The following GSTM2 variants were observed in gnomAD, a reference collection of about 807,000 sequenced individuals.
GSTM2 encodes the protein glutathione S-transferase mu 2, also known as GST class-mu 2.
In GSTM2, 33 loss-of-function variants were observed where a neutral mutation model predicts 33.3. The ratio of observed to expected loss-of-function variants is 0.99; its 90% CI spans 0.75 to 1.33. The LOEUF is 1.33. Among genes scored for constraint, GSTM2 ranks in the 40% most tolerant of loss-of-function variants. The probability of loss-of-function intolerance (pLI) is 0.00; values close to 1 mark genes in which losing one functional copy is unlikely to be tolerated. For synonymous variants in GSTM2, 93 were observed against 95.6 expected (o/e 0.97, Z 0.16); for missense variants, 213 against 265.8 (o/e 0.80, Z 1.38).
downstream of GSTM2, among the ~76,000 whole-genome samples, chr1:109,679,194 GGCATGGTGGCTCA>G (rs1647794418): frequency 7.1e-6 from 1 of 140,946 alleles, no homozygotes; most frequent in South Asian, 2.1e-4. Flanking sequence ...TTTCTGGCTG[GGCATGGTGGCTCA>G]TGCCTGTATT....
At position 109,674,859 on chromosome 1, in the gene GSTM2, G is replaced by A; in HGVS notation, c.*23G>A. 1 of 1,613,870 alleles carries A rather than the reference G, an allele frequency of 6.2e-7. No individual in the cohort carries two copies. The highest frequency in any genetic ancestry group is 8.5e-7 in the Non-Finnish European group (1 of 1,179,868). On this transcript the variant is annotated 3_prime_UTR_variant, in exon 8 of 8. Coordinates refer to ENST00000241337, the MANE Select transcript of GSTM2 (RefSeq NM_000848.4). Reference sequence around the variant, plus strand: ...TAGGGCCTTGAAGGCCAGGAGGTGGGAGTGAGGAGCCCATACTCAGCCTGC... The same window carrying A: ...TAGGGCCTTGAAGGCCAGGAGGTGGAAGTGAGGAGCCCATACTCAGCCTGC...
chr1:109,668,646 C>T (rs902669769), intron 2 of GSTM2, 146 bp downstream of exon 2: 2 of 987,944 alleles, frequency 2.0e-6, no homozygotes, highest in East Asian at 2.5e-5. Flanking sequence ...GAGGGAGCTC[C>T]TTGCAAGGCA....
intron 7 of GSTM2, among the ~76,000 whole-genome samples, chr1:109,674,456 G>A (rs894884487): frequency 5.3e-5 from 8 of 152,180 alleles, no homozygotes; most frequent in Admixed American, 2.6e-4. Context: ...CAGAGTAGTC[G>A]AGTGGGTTTT....
Position 109,669,287 on chromosome 1 carries a change from C to T in GSTM2, c.178-3C>T, listed in dbSNP as rs1470415688. 13 of 1,613,976 alleles carry T rather than the reference C, an allele frequency of 8.1e-6. No individual in the cohort carries two copies. The highest frequency in any genetic ancestry group is 1.7e-5 in the Admixed American group (1 of 59,984). On this transcript the variant is annotated splice_region_variant and splice_polypyrimidine_tract_variant and intron_variant, in intron 3 of 7. Transcript: ENST00000241337. ...GAGCTTCCCCGGTTTCCCATCTATC[C>T]AGCTGCCCTACTTGATTGATGGGAC...
downstream of GSTM2, among the ~76,000 whole-genome samples, chr1:109,680,139 T>C (rs924578392): frequency 2.0e-4 from 30 of 152,002 alleles, no homozygotes; most frequent in African/African-American, 7.2e-4. Flanking sequence ...AGCCAGCTGA[T>C]TGTGGGACTT....
intron 5 of GSTM2, 42 bp from the exon 6 acceptor site, chr1:109,671,245 G>A (rs368672324): frequency 2.8e-6 from 4 of 1,427,312 alleles, no homozygotes; most frequent in African/African-American, 1.4e-5. Flanking sequence ...TCTGTGCAGG[G>A]AGCTTGTGTC....
Position 109,671,562 on chromosome 1 carries a change from G to A in GSTM2, c.546G>A (p.Lys182=). Residue 182 remains lysine, a synonymous_variant, in exon 7 of 8, where the codon AAG becomes AAA. Transcript: ENST00000241337. ...PSCLDAFPNL[K]DFISRFEGLE... is the part of the protein sequence containing the mutation. ...GCCTGGATGCCTTCCCAAACCTGAAGGACTTCATCTCCCGATTTGAGGTGA... is the reference window on the plus strand; with the variant it reads ...GCCTGGATGCCTTCCCAAACCTGAAAGACTTCATCTCCCGATTTGAGGTGA... 1 of 1,602,840 alleles carries A rather than the reference G, an allele frequency of 6.2e-7. No individual in the cohort carries two copies. Among genetic ancestry groups the A allele is most frequent in the Non-Finnish European group, 8.5e-7 (1 of 1,169,626 alleles).
chr1:109,671,974 A>G (rs1289895401), intron 7 of GSTM2, among the ~76,000 whole-genome samples: 5 of 33,098 alleles, frequency 1.5e-4, no homozygotes, highest in Non-Finnish European at 2.2e-4. Context: ...CCATCTCAAG[A>G]AAAAAAAAAA....
At chr1:109,675,684 A>C (rs1216726335), downstream of GSTM2, among the ~76,000 whole-genome samples, 1 of 152,098 alleles carries the variant, frequency 6.6e-6, no homozygotes, top group Non-Finnish European at 1.5e-5. Context: ...TCCAGGACCC[A>C]ATCTCTATTG....
intron 7 of GSTM2, among the ~76,000 whole-genome samples, chr1:109,672,201 A>G (rs1463079733): frequency 2.0e-5 from 3 of 151,926 alleles, no homozygotes; most frequent in African/African-American, 7.3e-5. Context: ...AATCTCTTGA[A>G]CCTGGGAGGC....
intron 7 of GSTM2, among the ~76,000 whole-genome samples, chr1:109,672,266 G>A (rs1647568255): frequency 6.6e-6 from 1 of 151,858 alleles, no homozygotes; most frequent in African/African-American, 2.4e-5. Context: ...GGCAACAAGA[G>A]TGAAACTCCA....
At chr1:109,669,917 C>T (rs190112996) in intron 5 of GSTM2, 29 of 239,402 alleles carry the variant, frequency 1.2e-4, no homozygotes, top group African/African-American at 6.3e-4. Flanking sequence ...CATGGTCTGG[C>T]TGGCTTCAGG....
downstream of GSTM2, among the ~76,000 whole-genome samples, chr1:109,676,432 A>G (rs1031698468): frequency 1.3e-5 from 2 of 151,522 alleles, no homozygotes; most frequent in African/African-American, 4.9e-5. Flanking sequence ...TCTCACTGCA[A>G]CCTCCCCTTC....
At chr1:109,673,221 G>A (rs1249926325) in intron 7 of GSTM2, 1 of 1,612,046 alleles carries the variant, frequency 6.2e-7, no homozygotes, top group Middle Eastern at 1.7e-4. Flanking sequence ...CCTGTGAGAT[G>A]AGTAGCACGC....
In GSTM2 at chr1:109,674,901, C is replaced by T. The variant is rs558440724; in HGVS notation, c.*65C>T. On this transcript the variant is annotated 3_prime_UTR_variant, in exon 8 of 8. Transcript: ENST00000241337. ...TCAGCCTGCTGCCCAGGCTGTGCAGCGCAGCTGGACTCTGCATCCCAGCAC... is the reference window on the plus strand; with the variant it reads ...TCAGCCTGCTGCCCAGGCTGTGCAGTGCAGCTGGACTCTGCATCCCAGCAC... 71 of 1,601,080 alleles carry T rather than the reference C, an allele frequency of 4.4e-5. No individual in the cohort carries two copies. The highest frequency in any genetic ancestry group is 4.0e-4 in the South Asian group (36 of 90,740).
chr1:109,668,808 G>A, intron 2 of GSTM2, 117 bp from the exon 3 acceptor site: 2 of 1,210,084 alleles, frequency 1.7e-6, no homozygotes, highest in South Asian at 2.5e-5. Context: ...GGACTGAGTG[G>A]TCAGATTCTA....
chr1:109,668,705 T>C, intron 2 of GSTM2: 1 of 788,628 alleles, frequency 1.3e-6, no homozygotes, highest in Admixed American at 2.2e-5. Flanking sequence ...TTATGATGGG[T>C]GTCCCTCAGG....
chr1:109,668,739 T>C, intron 2 of GSTM2, 186 bp from the exon 3 acceptor site: 1 of 827,568 alleles, frequency 1.2e-6, no homozygotes, highest in Non-Finnish European at 2.0e-6. Context: ...CTGGAAGCCT[T>C]AGCTGTGTGG....
At chr1:109,677,497 G>A (rs1647734368), downstream of GSTM2, among the ~76,000 whole-genome samples, 1 of 152,224 alleles carries the variant, frequency 6.6e-6, no homozygotes, top group African/African-American at 2.4e-5. Context: ...CTAACGCTAT[G>A]TGCAAAAACA....
Sources: allele counts gnomAD v4.1 joint callset (sites outside exome capture counted in the v4.1 genomes callset), GRCh38; gene constraint gnomAD v4.1.1; transcripts MANE v1.5; gene names NCBI Gene and HGNC (gene_info 2026-07-23, HGNC 2026-07-21).